ZNF804B: variants seen among roughly 807,000 people sequenced by gnomAD.
The protein encoded by ZNF804B is zinc finger 804B.
ZNF804B carries 80 observed loss-of-function variants against 101.4 expected under a neutral mutation model. The ratio of observed to expected loss-of-function variants is 0.79; its 90% CI spans 0.66 to 0.95. ZNF804B has a LOEUF of 0.95. Among genes scored for constraint, ZNF804B ranks in the 40% least tolerant of loss-of-function variants. The probability of loss-of-function intolerance (pLI) is 0.00; values close to 1 mark genes in which losing one functional copy is unlikely to be tolerated. For synonymous variants in ZNF804B, 622 were observed against 558.8 expected (o/e 1.11, Z -1.59); for missense variants, 1,673 against 1,561.9 (o/e 1.07, Z -1.20).
intron 1 of ZNF804B, among the ~76,000 whole-genome samples, chr7:88,923,469 T>G (rs1250030602): frequency 6.6e-6 from 1 of 152,168 alleles, no homozygotes; most frequent in Non-Finnish European, 1.5e-5. Context: ...TTTTATATAA[T>G]GAAGACTGTG....
chr7:89,226,673 C>T (rs761371321), intron 2 of ZNF804B, among the ~76,000 whole-genome samples: 5 of 151,972 alleles, frequency 3.3e-5, no homozygotes, highest in Non-Finnish European at 7.4e-5. Context: ...TGTTATATCT[C>T]ATAAGTCCAT....
At chr7:89,058,090 A>G (rs1789324408) in intron 1 of ZNF804B, among the ~76,000 whole-genome samples, 1 of 152,098 alleles carries the variant, frequency 6.6e-6, no homozygotes, top group Non-Finnish European at 1.5e-5. Context: ...ATAGCAGCCC[A>G]TTTCATTAAC....
intron 1 of ZNF804B, among the ~76,000 whole-genome samples, chr7:89,156,124 T>A: frequency 6.6e-6 from 1 of 150,990 alleles, no homozygotes; most frequent in Non-Finnish European, 1.5e-5. Context: ...TTTCCTTCTT[T>A]CCTTCTTTCA....
In ZNF804B at chr7:88,784,435, T is replaced by C. The variant is rs1396637908; in HGVS notation, c.108+24351T>C. Among the ~76,000 whole-genome samples, 5 of 152,178 alleles carry C rather than the reference T, an allele frequency of 3.3e-5. No individual in the cohort carries two copies. In the East Asian group the frequency reaches 9.6e-4, roughly 29 times the overall value. ...GGACCTTTAAAGTCCAGGATTATTATACACTGCCATTCAAAACTGGATAGA... is the reference window on the plus strand; with the variant it reads ...GGACCTTTAAAGTCCAGGATTATTACACACTGCCATTCAAAACTGGATAGA... On this transcript the variant is annotated intron_variant, in intron 1 of 3. Transcript: ENST00000333190.
At chr7:88,880,409 A>T (rs1439977607) in intron 1 of ZNF804B, among the ~76,000 whole-genome samples, 1 of 152,186 alleles carries the variant, frequency 6.6e-6, no homozygotes, top group African/African-American at 2.4e-5. Flanking sequence ...TTCTATATAG[A>T]TTATCTAATT....
intron 1 of ZNF804B, among the ~76,000 whole-genome samples, chr7:88,861,817 G>A (rs1292822039): frequency 6.6e-6 from 1 of 152,104 alleles, no homozygotes; most frequent in African/African-American, 2.4e-5. Flanking sequence ...TTTGGAGAAG[G>A]GAGAAATGCT....
chr7:88,826,867 A>G (rs1791058090), intron 1 of ZNF804B, among the ~76,000 whole-genome samples: 1 of 152,136 alleles, frequency 6.6e-6, no homozygotes, highest in Admixed American at 6.5e-5. Context: ...TGATTCATTA[A>G]TCAGAAGATT....
intron 3 of ZNF804B, among the ~76,000 whole-genome samples, chr7:89,328,862 T>G (rs1249529582): frequency 6.6e-6 from 1 of 151,844 alleles, no homozygotes; most frequent in African/African-American, 2.4e-5. Context: ...TTGTCACACT[T>G]CTACATTTCT....
chr7:89,151,801 T>G (rs1790881124), intron 1 of ZNF804B, among the ~76,000 whole-genome samples: 1 of 151,944 alleles, frequency 6.6e-6, no homozygotes, highest in South Asian at 2.1e-4. Flanking sequence ...GGTATGATGT[T>G]GGGGGAAGAG....
intron 1 of ZNF804B, among the ~76,000 whole-genome samples, chr7:89,074,841 T>C (rs767400377): frequency 6.6e-6 from 1 of 152,176 alleles, no homozygotes; most frequent in Admixed American, 6.6e-5. Context: ...GATAGTGATA[T>C]GAACAATAAC....
At chr7:89,324,668 T>C (rs950389450) in intron 2 of ZNF804B, among the ~76,000 whole-genome samples, 3 of 150,388 alleles carry the variant, frequency 2.0e-5, no homozygotes, top group African/African-American at 7.3e-5. Flanking sequence ...TTCTTTTATC[T>C]CCTTTGTTGT....
intron 1 of ZNF804B, among the ~76,000 whole-genome samples, chr7:89,177,736 C>T (rs1791342974): frequency 6.6e-6 from 1 of 152,048 alleles, no homozygotes; most frequent in South Asian, 2.1e-4. Flanking sequence ...GTGTTGAGGT[C>T]TCTCTCTTTG....
Position 89,197,275 on chromosome 7 carries a change from C to T in ZNF804B, c.109-20880C>T, listed in dbSNP as rs550128119. Among the ~76,000 whole-genome samples the T allele has an allele frequency of 1.3e-3, 199 of 151,948 alleles. 4 individuals carry two copies. In the Middle Eastern group the frequency reaches 0.034, roughly 26 times the overall value. Reference sequence around the variant, plus strand: ...TACTAACACCTAAAACAAAACAAAACGGAACAGAACAAAAAGGCCTCAGTG... The same window carrying T: ...TACTAACACCTAAAACAAAACAAAATGGAACAGAACAAAAAGGCCTCAGTG... On this transcript the variant is annotated intron_variant, in intron 1 of 3. Coordinates refer to ENST00000333190, the MANE Select transcript of ZNF804B (RefSeq NM_181646.5).
intron 2 of ZNF804B, among the ~76,000 whole-genome samples, chr7:89,271,542 T>A (rs1789895926): frequency 6.6e-6 from 1 of 152,122 alleles, no homozygotes; most frequent in African/African-American, 2.4e-5. Context: ...TTTGTTGTTG[T>A]GTCTCTGCCA....
chr7:89,150,093 G>A (rs997151145), intron 1 of ZNF804B, among the ~76,000 whole-genome samples: 7 of 151,988 alleles, frequency 4.6e-5, no homozygotes, highest in Non-Finnish European at 1.0e-4. Context: ...ATTTTCAGGA[G>A]TGTGATGAAA....
At chr7:89,127,504 A>G (rs1180140378) in intron 1 of ZNF804B, among the ~76,000 whole-genome samples, 2 of 151,890 alleles carry the variant, frequency 1.3e-5, no homozygotes, top group South Asian at 4.1e-4. Context: ...TAGTACTTTT[A>G]AAAGTACAGG....
At chr7:89,257,959 A>G (rs1419988676) in intron 2 of ZNF804B, among the ~76,000 whole-genome samples, 1 of 151,976 alleles carries the variant, frequency 6.6e-6, no homozygotes, top group Admixed American at 6.6e-5. Flanking sequence ...TCATAAAGTC[A>G]CCCCATCCAA....
intron 2 of ZNF804B, among the ~76,000 whole-genome samples, chr7:89,219,605 G>A (rs998562118): frequency 5.9e-5 from 9 of 151,390 alleles, no homozygotes; most frequent in Non-Finnish European, 1.0e-4. Context: ...GAGGTATGGC[G>A]ATACTGGCAA....
intron 1 of ZNF804B, among the ~76,000 whole-genome samples, chr7:88,814,988 C>A (rs575782174): frequency 6.7e-6 from 1 of 150,142 alleles, no homozygotes; most frequent in East Asian, 1.9e-4. Flanking sequence ...TCTTGTCCTG[C>A]AAATTTCTTG....
Sources: allele counts gnomAD v4.1 joint callset (sites outside exome capture counted in the v4.1 genomes callset), GRCh38; gene constraint gnomAD v4.1.1; transcripts MANE v1.5; gene names NCBI Gene and HGNC (gene_info 2026-07-23, HGNC 2026-07-21).